POLQ: variants seen among roughly 807,000 people sequenced by gnomAD.
POLQ encodes epididymis secretory sperm binding protein.
In POLQ, 233 loss-of-function variants were observed where a neutral mutation model predicts 259.2. That is an observed-to-expected ratio of 0.90 (90% CI 0.81 to 1.00). The LOEUF is 1.00. Among genes scored for constraint, POLQ ranks in the 50% least tolerant of loss-of-function variants. The pLI is 0.00. For synonymous variants in POLQ, 1,025 were observed against 1,048.8 expected (o/e 0.98, Z 0.44); for missense variants, 2,871 against 3,051.6 (o/e 0.94, Z 1.39).
intron 7 of POLQ, among the ~76,000 whole-genome samples, chr3:121,528,489 G>A (rs993088699): frequency 5.3e-5 from 8 of 151,602 alleles, no homozygotes; most frequent in African/African-American, 1.2e-4. Flanking sequence ...GATTACAGGC[G>A]TGCACCACCA....
At position 121,544,841 on chromosome 3, in the gene POLQ, G is replaced by T. The variant is rs1391538395; in HGVS notation, c.229C>A (p.Pro77Thr). ...TGGTATTTTTCCAGAACTGCTTTAG[G>T]AAGTCCCCAGTTTGCCAATAGTAGC... ...DKLLLANWGL[P>T]KAVLEKYHSF... Residue 77 changes from proline to threonine, a missense_variant, in exon 2 of 30, where the codon CCT becomes ACT. Physicochemically the swap from Pro to Thr is conservative, Grantham distance 38. Coordinates refer to ENST00000264233, the MANE Select transcript of POLQ (RefSeq NM_199420.4). 3.7e-6 allele frequency: 6 copies of T among 1,611,446 alleles called. No individual in the cohort carries two copies. The highest frequency in any genetic ancestry group is 1.3e-5 in the African/African-American group (1 of 74,872).
chr3:121,481,613 A>G lies in POLQ; in HGVS notation c.6170T>C (p.Met2057Thr). Residue 2057 changes from methionine (M) to threonine (T), a missense_variant, in exon 19 of 30, where the codon ATG becomes ACG. By Grantham distance (81) the Met-to-Thr change is moderately conservative. This residue lies in a region of POLQ where 2,080 missense variants were observed against 2,126.0 expected (regional missense o/e 0.98). Transcript: ENST00000264233. ...SVESILIFNSMNQLNSLLQKE... is the reference protein window; with the variant it reads ...SVESILIFNSTNQLNSLLQKE... ...CTGCAACAAAGAGTTGAGCTGATTCATAGAGTTGAAGATGAGAATGGACTC... is the reference window on the plus strand; with the variant it reads ...CTGCAACAAAGAGTTGAGCTGATTCGTAGAGTTGAAGATGAGAATGGACTC... The G allele has an allele frequency of 6.2e-7, 1 of 1,612,696 alleles. No individual in the cohort carries two copies. Among genetic ancestry groups the G allele is most frequent in the East Asian group, 2.2e-5 (1 of 44,868 alleles).
At chr3:121,521,069 C>CTG (rs1300216152) in intron 8 of POLQ, among the ~76,000 whole-genome samples, 1 of 152,014 alleles carries the variant, frequency 6.6e-6, no homozygotes, top group African/African-American at 2.4e-5. Context: ...AATGTAAATT[C>CTG]TGTGTGTGTG....
intron 23 of POLQ, among the ~76,000 whole-genome samples, chr3:121,468,078 AC>A (rs1467686832): frequency 1.3e-5 from 2 of 152,300 alleles, no homozygotes; most frequent in African/African-American, 4.8e-5. Context: ...TCTGAGACTC[AC>A]TTTAAAGCTT....
At chr3:121,484,712 C>T (rs1000897786) in intron 17 of POLQ, among the ~76,000 whole-genome samples, 3 of 152,040 alleles carry the variant, frequency 2.0e-5, no homozygotes, top group Non-Finnish European at 4.4e-5. Flanking sequence ...ACCAGCCTGA[C>T]CAACATGGTA....
At chr3:121,527,290 G>A (rs2048380532) in intron 7 of POLQ, among the ~76,000 whole-genome samples, 1 of 151,940 alleles carries the variant, frequency 6.6e-6, no homozygotes, top group Admixed American at 6.5e-5. Flanking sequence ...TCAAACTCCT[G>A]ACCTCAGGTG....
At chr3:121,480,177 AAT>A (rs898566929) in intron 19 of POLQ, among the ~76,000 whole-genome samples, 1 of 151,440 alleles carries the variant, frequency 6.6e-6, no homozygotes, top group Admixed American at 6.6e-5. Context: ...TTGGAAAAAA[AAT>A]ATATATATAT....
At chr3:121,523,490 T>A (rs2108814052) in intron 7 of POLQ, among the ~76,000 whole-genome samples, 1 of 152,102 alleles carries the variant, frequency 6.6e-6, no homozygotes, top group South Asian at 2.1e-4. Flanking sequence ...AGTGGGCAGA[T>A]CAGTTGAATC....
intron 5 of POLQ, among the ~76,000 whole-genome samples, chr3:121,533,483 C>A (rs1004379327): frequency 6.6e-6 from 1 of 152,150 alleles, no homozygotes; most frequent in Non-Finnish European, 1.5e-5. Context: ...TATTGTCAAT[C>A]TTTTTAATGT....
intron 7 of POLQ, 63 bp from the exon 8 acceptor site, chr3:121,522,212 T>A: frequency 8.5e-7 from 1 of 1,179,890 alleles, no homozygotes; most frequent in Non-Finnish European, 1.2e-6. Context: ...TGTATCTGTC[T>A]AAATCATAAT....
At chr3:121,469,327 T>G (rs2047865146) in intron 22 of POLQ, among the ~76,000 whole-genome samples, 1 of 152,214 alleles carries the variant, frequency 6.6e-6, no homozygotes, top group Admixed American at 6.5e-5. Context: ...ATTTTGTTAC[T>G]GTGATTTTTT....
At chr3:121,463,440 C>T (rs867542347) in intron 24 of POLQ, among the ~76,000 whole-genome samples, 5 of 152,272 alleles carry the variant, frequency 3.3e-5, no homozygotes, top group East Asian at 3.9e-4. Context: ...AGCATGACAA[C>T]GGACTAATAC....
Position 121,436,179 on chromosome 3 carries a change from G to A in POLQ, c.7486C>T (p.His2496Tyr). 6.2e-7 allele frequency: 1 copy of A among 1,613,780 alleles called. No individual in the cohort carries two copies. Among genetic ancestry groups the A allele is most frequent in the Non-Finnish European group, 8.5e-7 (1 of 1,179,692 alleles). The change falls in exon 28 of 30, where the codon CAC becomes TAC. Residue 2496 changes from histidine (H) to tyrosine (Y), a missense_variant. By Grantham distance (83) the His-to-Tyr change is moderately conservative. Coordinates refer to ENST00000264233, the MANE Select transcript of POLQ (RefSeq NM_199420.4). ...VNIQKQLETF[H>Y]STFKSHGHRE... ...TGACCATGGGATTTGAAGGTTGAGTGGAAGGTCTCTAATTGCTTCTGAATG... is the reference window on the plus strand; with the variant it reads ...TGACCATGGGATTTGAAGGTTGAGTAGAAGGTCTCTAATTGCTTCTGAATG...
rs182054606 is a variant in POLQ at position 121,451,517 on chromosome 3, T to A, written c.7153-2091A>T. On this transcript the variant is annotated intron_variant, in intron 25 of 29. Coordinates refer to ENST00000264233, the MANE Select transcript of POLQ (RefSeq NM_199420.4). ...GTTTTCCTTCTAACAGTCAGGACCC[T>A]CAGGTGCAGGTCTGTTGGAGTTTGC... 4.1e-3 allele frequency among the ~76,000 whole-genome samples: 632 copies of A among 152,372 alleles called. 1 individual carries two copies. Among genetic ancestry groups the A allele is most frequent in the African/African-American group, 0.014 (586 of 41,588 alleles).
At chr3:121,465,373 T>A (rs2047826773) in intron 24 of POLQ, among the ~76,000 whole-genome samples, 1 of 152,194 alleles carries the variant, frequency 6.6e-6, no homozygotes, top group South Asian at 2.1e-4. Context: ...ATTACAGGTG[T>A]GAGCCACCAT....
intron 14 of POLQ, chr3:121,494,343 C>T (rs1357416197): frequency 1.9e-5 from 30 of 1,596,504 alleles, no homozygotes; most frequent in Non-Finnish European, 2.5e-5. Context: ...GTGCCTCCTG[C>T]GATTAACCAG....
At chr3:121,442,915 A>G (rs1344677530) in intron 26 of POLQ, among the ~76,000 whole-genome samples, 1 of 152,144 alleles carries the variant, frequency 6.6e-6, no homozygotes, top group Non-Finnish European at 1.5e-5. Context: ...GCTGGAGTGC[A>G]GTGGCGTGAC....
intron 3 of POLQ, among the ~76,000 whole-genome samples, chr3:121,540,986 G>C (rs2048485449): frequency 2.0e-5 from 3 of 151,484 alleles, no homozygotes; most frequent in African/African-American, 7.3e-5. Flanking sequence ...CCACCTCCCA[G>C]GTTCAAGCCT....
chr3:121,436,307 G>C (rs531721880), intron 27 of POLQ, 32 bp from the exon 28 acceptor site: 1 of 1,608,526 alleles, frequency 6.2e-7, no homozygotes, highest in South Asian at 1.1e-5. Flanking sequence ...TGCTCCACCA[G>C]ATATGCCAAC....
Sources: allele counts gnomAD v4.1 joint callset (sites outside exome capture counted in the v4.1 genomes callset), GRCh38; gene constraint gnomAD v4.1.1; regional missense constraint gnomAD v4.1.1; transcripts MANE v1.5; gene names NCBI Gene and HGNC (gene_info 2026-07-23, HGNC 2026-07-21).